PTPRD: variants seen among roughly 807,000 people sequenced by gnomAD.
PTPRD encodes the protein receptor-type tyrosine-protein phosphatase delta.
Under a neutral mutation model 214.5 loss-of-function variants are expected in PTPRD, and 34 were observed. That is an observed-to-expected ratio of 0.16 (90% confidence interval 0.12 to 0.21). PTPRD has a LOEUF of 0.21. Among genes scored for constraint, PTPRD ranks in the 10% least tolerant of loss-of-function variants. The pLI, the probability that PTPRD is intolerant of heterozygous loss-of-function variation, is 1.00. For missense variants in PTPRD, 2,545 were observed against 2,398.7 expected (o/e 1.06, Z -1.27); for synonymous variants, 1,128 against 845.7 (o/e 1.33, Z -5.79).
intron 2 of PTPRD, among the ~76,000 whole-genome samples, chr9:10,455,575 A>G (rs924511232): frequency 6.6e-6 from 1 of 151,632 alleles, no homozygotes; most frequent in Non-Finnish European, 1.5e-5. Flanking sequence ...AGTAGTTTTT[A>G]ATTCCTTTTG....
intron 3 of PTPRD, among the ~76,000 whole-genome samples, chr9:10,093,946 G>A (rs1020161758): frequency 1.3e-5 from 2 of 151,348 alleles, no homozygotes; most frequent in Middle Eastern, 3.2e-3. Flanking sequence ...AGCAGGGAGA[G>A]AGAAGTGGAT....
chr9:8,372,721 G>C (rs1344597840), intron 39 of PTPRD, among the ~76,000 whole-genome samples: 3 of 152,080 alleles, frequency 2.0e-5, no homozygotes, highest in East Asian at 3.9e-4. Flanking sequence ...TGCGCTTGTT[G>C]CACTAGGCTA....
intron 3 of PTPRD, among the ~76,000 whole-genome samples, chr9:10,047,312 C>G (rs199535785): frequency 0.027 from 3,689 of 138,612 alleles, 158 homozygotes; most frequent in East Asian, 0.24. Flanking sequence ...AATCAACTAA[C>G]TGTGTGTGTG....
chr9:10,442,196 T>C (rs1447046237), intron 2 of PTPRD, among the ~76,000 whole-genome samples: 1 of 151,654 alleles, frequency 6.6e-6, no homozygotes, highest in Non-Finnish European at 1.5e-5. Flanking sequence ...GTAAATGTAA[T>C]TTAAAATGTT....
intron 11 of PTPRD, among the ~76,000 whole-genome samples, chr9:8,996,007 T>C (rs565422507): frequency 6.6e-6 from 1 of 152,232 alleles, no homozygotes; most frequent in Admixed American, 6.6e-5. Context: ...TTGCTGATAT[T>C]AATTCAAAAT....
chr9:9,408,024 G>A lies in PTPRD; in HGVS notation c.-236-10542C>T, dbSNP rs190558065. Among the ~76,000 whole-genome samples the A allele has an allele frequency of 5.5e-3, 837 of 151,850 alleles. 6 individuals are homozygous for A. The highest frequency in any genetic ancestry group is 8.3e-3 in the Non-Finnish European group (563 of 67,710). On this transcript the variant is annotated intron_variant, in intron 8 of 45. Transcript: ENST00000381196. ...ATCTGCCTGTGGGGTAAGTTACCCA[G>A]AAGTACAGCTAAACTGGTTAATTTT...
chr9:10,117,712 G>T (rs1224649076), intron 3 of PTPRD, among the ~76,000 whole-genome samples: 1 of 150,756 alleles, frequency 6.6e-6, no homozygotes, highest in Non-Finnish European at 1.5e-5. Flanking sequence ...TTTCAGTTAA[G>T]GGCATTTTCA....
chr9:10,123,308 G>A (rs2098791375), intron 3 of PTPRD, among the ~76,000 whole-genome samples: 1 of 152,144 alleles, frequency 6.6e-6, no homozygotes, highest in Non-Finnish European at 1.5e-5. Context: ...ACTAATAAGT[G>A]GTGTGTTAGT....
chr9:9,102,480 C>A (rs2099792728), intron 10 of PTPRD, among the ~76,000 whole-genome samples: 1 of 152,148 alleles, frequency 6.6e-6, no homozygotes. Flanking sequence ...AGAGAGGTGG[C>A]CTTCAGCCAT....
At chr9:9,284,840 G>T (rs1948861032) in intron 9 of PTPRD, among the ~76,000 whole-genome samples, 1 of 151,658 alleles carries the variant, frequency 6.6e-6, no homozygotes, top group Non-Finnish European at 1.5e-5. Flanking sequence ...ACCAAATGTG[G>T]ACAATAATGC....
chr9:8,889,871 T>C (rs2098523802), intron 11 of PTPRD, among the ~76,000 whole-genome samples: 1 of 152,214 alleles, frequency 6.6e-6, no homozygotes, highest in Non-Finnish European at 1.5e-5. Flanking sequence ...TGATAGGCAT[T>C]TGGGTTGGTT....
At chr9:8,839,516 G>T (rs980302370) in intron 11 of PTPRD, among the ~76,000 whole-genome samples, 1 of 152,008 alleles carries the variant, frequency 6.6e-6, no homozygotes, top group Non-Finnish European at 1.5e-5. Context: ...GTAGAGATGA[G>T]GTTTCATCAT....
chr9:10,573,689 G>A (rs2068205966), intron 2 of PTPRD, among the ~76,000 whole-genome samples: 1 of 152,060 alleles, frequency 6.6e-6, no homozygotes, highest in Admixed American at 6.6e-5. Context: ...CTCTTTCCTG[G>A]CCCCTAGTGA....
At chr9:10,168,731 A>G (rs2099176167) in intron 3 of PTPRD, among the ~76,000 whole-genome samples, 2 of 152,366 alleles carry the variant, frequency 1.3e-5, no homozygotes, top group South Asian at 2.1e-4. Flanking sequence ...ACATAAGTTT[A>G]AATTTACTTT....
chr9:8,605,645 G>C (rs1334599214), intron 14 of PTPRD, among the ~76,000 whole-genome samples: 1 of 152,210 alleles, frequency 6.6e-6, no homozygotes, highest in Non-Finnish European at 1.5e-5. Context: ...TCAAGATACT[G>C]TGAGGATGAA....
chr9:9,279,382 C>A (rs1210783869), intron 9 of PTPRD, among the ~76,000 whole-genome samples: 1 of 145,050 alleles, frequency 6.9e-6, no homozygotes, highest in African/African-American at 2.5e-5. Flanking sequence ...CTGCTGCTGG[C>A]AATAGATAGA....
chr9:10,488,879 G>C (rs1025344009), intron 2 of PTPRD, among the ~76,000 whole-genome samples: 9 of 152,086 alleles, frequency 5.9e-5, no homozygotes, highest in Non-Finnish European at 8.8e-5. Flanking sequence ...GCACAGGAGA[G>C]GTCCAGAAAT....
Position 9,175,622 on chromosome 9 carries a change from C to CA in PTPRD, c.-143+7681dup, listed in dbSNP as rs55707715. Among the ~76,000 whole-genome samples, 357 of 45,182 alleles carry CA rather than the reference C, an allele frequency of 7.9e-3. 13 individuals carry two copies. Among genetic ancestry groups the CA allele is most frequent in the East Asian group, 0.032 (36 of 1,110 alleles). 29.6% of individuals were successfully genotyped at this position (45,182 alleles called of 152,430 possible). A position where few individuals can be genotyped will look rare whatever the true frequency, so the allele number is the denominator to read the frequency against. On this transcript the variant is annotated intron_variant, in intron 10 of 45. Transcript: ENST00000381196. ...TGGGCAACAGAGTGAGACTCTGTCT[C>CA]AAAAAAAAAAAAAAAAAAAAAAAAA...
At chr9:10,118,893 A>T (rs1045430048) in intron 3 of PTPRD, among the ~76,000 whole-genome samples, 4 of 149,010 alleles carry the variant, frequency 2.7e-5, no homozygotes, top group Admixed American at 1.4e-4. Context: ...TAAATAAATA[A>T]ATAAATAATA....
Sources: gnomAD v4.1 joint callset for allele counts (sites outside exome capture counted in the v4.1 genomes callset) on GRCh38, gnomAD v4.1.1 for gene constraint, MANE v1.5 for transcripts, NCBI Gene and HGNC (gene_info 2026-07-23, HGNC 2026-07-21) for gene names.